ARHGAP35: variants seen among roughly 807,000 people sequenced by gnomAD.
ARHGAP35 encodes the protein rho GTPase-activating protein 35.
ARHGAP35 carries 15 observed loss-of-function variants against 111.1 expected under a neutral mutation model. The ratio of observed to expected loss-of-function variants is 0.13; its 90% CI spans 0.09 to 0.21. The LOEUF is 0.21. ARHGAP35 is among the 10% of genes least tolerant of loss of function. The pLI is 1.00. For missense variants in ARHGAP35, 1,262 were observed against 1,873.0 expected (o/e 0.67, Z 6.02); for synonymous variants, 643 against 710.3 (o/e 0.91, Z 1.51).
At chr19:46,963,305 G>A (rs962253035) in intron 3 of ARHGAP35, among the ~76,000 whole-genome samples, 3 of 152,172 alleles carry the variant, frequency 2.0e-5, no homozygotes, top group Non-Finnish European at 2.9e-5. Context: ...TTGCTGGCAC[G>A]CACACACTGT....
Position 46,992,259 on chromosome 19 carries a change from G to GTGATA in ARHGAP35, c.4036+2585_4036+2589dup, listed in dbSNP as rs1424513667. Among the ~76,000 whole-genome samples the GTGATA allele has an allele frequency of 6.6e-6, 1 of 152,180 alleles. No homozygotes were observed. Among genetic ancestry groups the GTGATA allele is most frequent in the Non-Finnish European group, 1.5e-5 (1 of 68,034 alleles). ...CAGAGAAGGAAACAGCTTCTCAGAG[G>GTGATA]TGATACAGCCTGCCCAGGGTCACAC... is the stretch of plus-strand genomic sequence containing the variant. On this transcript the variant is annotated intron_variant, in intron 5 of 6. Coordinates refer to ENST00000672722, the MANE Select transcript of ARHGAP35 (RefSeq NM_004491.5). This position sits in a 1 kb window ranked among gnomAD's most constrained non-coding sequence, Gnocchi z 4.4.
chr19:46,988,948 A>G lies in ARHGAP35; in HGVS notation c.3905-596A>G, dbSNP rs2056665449. On this transcript the variant is annotated intron_variant, in intron 4 of 6. Transcript: ENST00000672722. This position sits in a 1 kb window ranked among gnomAD's most constrained non-coding sequence, Gnocchi z 5.4. ...GATCCTGTACCAGCTTACCTCCCCC[A>G]TAGTGGAACCTGGTACTGTCCATCT... The G allele has an allele frequency of 6.5e-6, 1 of 154,352 alleles. No individual in the cohort carries two copies. The highest frequency in any genetic ancestry group is 1.4e-5 in the Non-Finnish European group (1 of 69,364). The allele number at this position is 154,352 out of a possible 1,614,324, so 9.6% of individuals were successfully genotyped here.
chr19:46,929,563 C>T (rs1367580970), intron 2 of ARHGAP35, among the ~76,000 whole-genome samples: 1 of 143,404 alleles, frequency 7.0e-6, no homozygotes, highest in African/African-American at 2.5e-5. Flanking sequence ...TTCCAGACTA[C>T]ATTCCGTATA....
At chr19:46,980,341 C>T (rs1337984725) in intron 3 of ARHGAP35, among the ~76,000 whole-genome samples, 4 of 152,156 alleles carry the variant, frequency 2.6e-5, no homozygotes, top group African/African-American at 9.7e-5. Context: ...GCCGAGATTG[C>T]ACATTGCACT....
In ARHGAP35 at chr19:46,999,133, T is replaced by A. The variant is rs748816072; in HGVS notation, c.4037-171T>A. The A allele has an allele frequency of 6.7e-6, 4 of 600,092 alleles. No individual in the cohort carries two copies. The highest frequency in any genetic ancestry group is 1.9e-5 in the African/African-American group (1 of 53,830). 37.2% of individuals were successfully genotyped at this position (600,092 alleles called of 1,614,324 possible). The stretch of plus-strand genomic sequence containing the variant: ...GAGGTGGGCCAGACCCCTGGGCCAG[T>A]GCCACTGCCAGGTGTGCCAGCCTTG... On this transcript the variant is annotated intron_variant, in intron 5 of 6. Coordinates refer to ENST00000672722, the MANE Select transcript of ARHGAP35 (RefSeq NM_004491.5). The surrounding 1 kb of genome is among the most constrained non-coding windows in gnomAD (Gnocchi z 5.4).
At chr19:46,872,754 G>A (rs969873068) in intron 1 of ARHGAP35, among the ~76,000 whole-genome samples, 1 of 151,784 alleles carries the variant, frequency 6.6e-6, no homozygotes, top group Non-Finnish European at 1.5e-5. Flanking sequence ...GGTGGCAGGC[G>A]CCTGTAGTCC....
Position 46,954,572 on chromosome 19 carries a change from C to T in ARHGAP35, c.3826+17164C>T, listed in dbSNP as rs541827016. ...GGTGGTTTACTGTTTGAAATGTAAG[C>T]TGACTGGGTATCAGACAACTGAATC... On this transcript the variant is annotated intron_variant, in intron 3 of 6. Coordinates refer to ENST00000672722, the MANE Select transcript of ARHGAP35 (RefSeq NM_004491.5). 3.3e-5 allele frequency among the ~76,000 whole-genome samples: 5 copies of T among 152,348 alleles called. No individual in the cohort carries two copies. In the South Asian group the frequency reaches 1.0e-3, roughly 32 times the overall value.
At chr19:46,984,850 C>T (rs1387254309) in intron 3 of ARHGAP35, among the ~76,000 whole-genome samples, 4 of 152,206 alleles carry the variant, frequency 2.6e-5, no homozygotes, top group Non-Finnish European at 5.9e-5. Flanking sequence ...CCTCTCATGC[C>T]GGGGCCGGTG....
At chr19:46,878,364 A>G (rs1462437471) in intron 1 of ARHGAP35, among the ~76,000 whole-genome samples, 1 of 151,994 alleles carries the variant, frequency 6.6e-6, no homozygotes, top group African/African-American at 2.4e-5. Context: ...TCTGTCACCC[A>G]GGCTGGGGTG....
chr19:46,862,441 C>G (rs764270639), intron 1 of ARHGAP35, among the ~76,000 whole-genome samples: 2 of 152,038 alleles, frequency 1.3e-5, no homozygotes, highest in Admixed American at 6.6e-5. Flanking sequence ...TGCTCCAATT[C>G]CTCTCCTCCC....
At chr19:46,912,563 A>G (rs2056143179) in intron 1 of ARHGAP35, among the ~76,000 whole-genome samples, 1 of 151,626 alleles carries the variant, frequency 6.6e-6, no homozygotes, top group Non-Finnish European at 1.5e-5. Flanking sequence ...TCACCATGTT[A>G]GCCAGGATGG....
chr19:46,912,798 C>A (rs1241651434), intron 1 of ARHGAP35, among the ~76,000 whole-genome samples: 1 of 151,786 alleles, frequency 6.6e-6, no homozygotes, highest in Non-Finnish European at 1.5e-5. Context: ...TCCACCCCTC[C>A]CACCCCCCAA....
chr19:46,995,949 G>A (rs765317609), intron 5 of ARHGAP35, among the ~76,000 whole-genome samples: 2 of 152,212 alleles, frequency 1.3e-5, no homozygotes, highest in African/African-American at 2.4e-5. Flanking sequence ...TCTGCCCAGC[G>A]AGCTCCTAGT....
At chr19:46,963,721 G>A (rs2056497636) in intron 3 of ARHGAP35, among the ~76,000 whole-genome samples, 3 of 152,176 alleles carry the variant, frequency 2.0e-5, no homozygotes, top group African/African-American at 4.8e-5. Flanking sequence ...CGACAGTGCT[G>A]TTAATTTTTC....
At chr19:46,886,046 C>T (rs1388691970) in intron 1 of ARHGAP35, among the ~76,000 whole-genome samples, 1 of 152,126 alleles carries the variant, frequency 6.6e-6, no homozygotes, top group Non-Finnish European at 1.5e-5. Flanking sequence ...AAGTATTTTG[C>T]TTTTGACTTC....
At chr19:46,968,557 C>T (rs1476958550) in intron 3 of ARHGAP35, among the ~76,000 whole-genome samples, 1 of 151,958 alleles carries the variant, frequency 6.6e-6, no homozygotes, top group Non-Finnish European at 1.5e-5. Flanking sequence ...CATAATAGCC[C>T]CAAAATGGTA....
intron 3 of ARHGAP35, among the ~76,000 whole-genome samples, chr19:46,980,770 G>A (rs1208835876): frequency 6.6e-6 from 1 of 152,232 alleles, no homozygotes; most frequent in Non-Finnish European, 1.5e-5. Context: ...GGCAGGATTC[G>A]AACCCATGTC....
intron 3 of ARHGAP35, among the ~76,000 whole-genome samples, chr19:46,969,495 G>T (rs144336593): frequency 1.3e-5 from 2 of 152,246 alleles, no homozygotes; most frequent in Non-Finnish European, 1.5e-5. Flanking sequence ...CATACACTCT[G>T]TCGGACTGCT....
chr19:46,894,961 G>C (rs533376521), intron 1 of ARHGAP35, among the ~76,000 whole-genome samples: 16 of 152,210 alleles, frequency 1.1e-4, no homozygotes, highest in African/African-American at 3.9e-4. Context: ...CATCCTTATA[G>C]GAGGGCCAGA....
Sources: allele counts gnomAD v4.1 joint callset (sites outside exome capture counted in the v4.1 genomes callset), GRCh38; gene constraint gnomAD v4.1.1; non-coding constraint Gnocchi (gnomAD v3.1); transcripts MANE v1.5; gene names NCBI Gene and HGNC (gene_info 2026-07-23, HGNC 2026-07-21).